The following MYBL2 variants were observed in gnomAD, a reference collection of about 807,000 sequenced individuals.
MYBL2 encodes the protein myb-related protein B.
Under a neutral mutation model 79.9 loss-of-function variants are expected in MYBL2, and 28 were observed. The observed-to-expected ratio is 0.35, with a 90% CI of 0.26 to 0.48. The LOEUF is 0.48. Among genes scored for constraint, MYBL2 ranks in the 20% least tolerant of loss-of-function variants. The pLI, the probability that MYBL2 is intolerant of heterozygous loss-of-function variation, is 0.99. For missense variants in MYBL2, 735 were observed against 893.9 expected (o/e 0.82, Z 2.27); for synonymous variants, 378 against 361.2 (o/e 1.05, Z -0.53).
rs778922160 is a variant in MYBL2, at chr20:43,711,582, A to C, written c.1700A>C (p.Lys567Thr). 7 of 1,613,042 alleles carry C rather than the reference A, an allele frequency of 4.3e-6. No individual in the cohort carries two copies. Among genetic ancestry groups the C allele is most frequent in the Non-Finnish European group, 5.9e-6 (7 of 1,179,558 alleles). ...ATCGAGGACGACATCAGGCCCGAGA[A>C]GCAGAAGAGGAAGCCTGGGGTGAGT... is the stretch of plus-strand genomic sequence containing the variant. Reference protein sequence around the residue: ...LIIEDDIRPEKQKRKPGLRRS... With the variant: ...LIIEDDIRPETQKRKPGLRRS... Residue 567 changes from lysine to threonine, a missense_variant, in exon 11 of 14, where the codon AAG becomes ACG. Lys to Thr is a moderately conservative substitution (Grantham distance 78). This residue lies in a region of MYBL2 where 204 missense variants were observed against 202.9 expected (regional missense o/e 1.01). Coordinates refer to ENST00000217026, the MANE Select transcript of MYBL2 (RefSeq NM_002466.4).
At chr20:43,687,157 T>C in intron 5 of MYBL2, 85 bp downstream of exon 5, 1 of 1,373,836 alleles carries the variant, frequency 7.3e-7, no homozygotes, top group Non-Finnish European at 1.0e-6. Flanking sequence ...GGGTGGGTAT[T>C]GTGGTCCTGT....
At chr20:43,686,773 G>T in intron 4 of MYBL2, 79 bp from the exon 5 acceptor site, 8 of 1,418,576 alleles carry the variant, frequency 5.6e-6, no homozygotes, top group Non-Finnish European at 7.8e-6. Context: ...CCATGGCAAG[G>T]CTCAGGTGGA....
chr20:43,705,553 T>G (rs1173392047), intron 9 of MYBL2, among the ~76,000 whole-genome samples, 195 bp downstream of exon 9: 1 of 152,206 alleles, frequency 6.6e-6, no homozygotes, highest in Non-Finnish European at 1.5e-5. Context: ...GCTCCACCTT[T>G]GCTTTTCCTC....
At chr20:43,705,474 A>T (rs1320449344) in intron 9 of MYBL2, 116 bp downstream of exon 9, 1 of 1,228,540 alleles carries the variant, frequency 8.1e-7, no homozygotes, top group Non-Finnish European at 1.1e-6. Flanking sequence ...ATAACACTGA[A>T]GACTGTTTTA....
chr20:43,698,347 G>A lies in MYBL2; in HGVS notation c.664-1410G>A, dbSNP rs541756982. 4.2e-3 allele frequency among the ~76,000 whole-genome samples: 570 copies of A among 134,882 alleles called. 2 individuals carry two copies. Among genetic ancestry groups the A allele is most frequent in the Middle Eastern group, 9.4e-3 (2 of 212 alleles). The allele number at this position is 134,882 out of a possible 152,430, so 88.5% of individuals were successfully genotyped here. A position where few individuals can be genotyped will look rare whatever the true frequency, so the allele number is the denominator to read the frequency against. ...TTACAGGTGTGAGCCACCACGCCCC[G>A]CATATTTTTTTTTTTTTTTTTTTTT... On this transcript the variant is annotated intron_variant, in intron 6 of 13. Transcript: ENST00000217026.
At position 43,715,157 on chromosome 20, in the gene MYBL2, T is replaced by A. The variant is rs1988000375; in HGVS notation, c.1848T>A (p.Ser616=). The stretch of plus-strand genomic sequence containing the variant: ...AGCCGACAACTGCCCCTTCAAACTC[T>A]TCCAGCCTCACCCTGTCAGGTATCA... ...LSLPTTAPSN[S]SSLTLSGIKE... is the part of the protein sequence containing the mutation. Residue 616 remains serine, a synonymous_variant, in exon 13 of 14, where the codon TCT becomes TCA. Coordinates refer to ENST00000217026, the MANE Select transcript of MYBL2 (RefSeq NM_002466.4). 6.2e-7 allele frequency: 1 copy of A among 1,614,226 alleles called. No individual in the cohort carries two copies. The highest frequency in any genetic ancestry group is 2.2e-5 in the East Asian group (1 of 44,882).
intron 1 of MYBL2, 52 bp from the exon 2 acceptor site, chr20:43,673,754 T>C (rs373909923): frequency 1.9e-6 from 3 of 1,546,292 alleles, no homozygotes; most frequent in African/African-American, 1.4e-5. Context: ...TTCTCCATTA[T>C]GTAAAACATA....
chr20:43,709,362 G>GC (rs1185123923), intron 9 of MYBL2, among the ~76,000 whole-genome samples: 1 of 152,182 alleles, frequency 6.6e-6, no homozygotes, highest in African/African-American at 2.4e-5. Context: ...TGCCTTTTCT[G>GC]CCCCCCTGCT....
intron 6 of MYBL2, among the ~76,000 whole-genome samples, chr20:43,695,330 C>T (rs935920355): frequency 2.0e-5 from 3 of 152,238 alleles, no homozygotes; most frequent in African/African-American, 7.2e-5. Flanking sequence ...CATGAGCCAC[C>T]ATGCCGGGCC....
rs118091077 is a variant in MYBL2 at position 43,668,736 on chromosome 20, G to A, written c.20+1433G>A. On this transcript the variant is annotated intron_variant, in intron 1 of 13. Transcript: ENST00000217026. ...AGGGTCTCCGTCTGCAGTCCAGGCC[G>A]GAGTGCTGTGGTGCTGTCATAGCTC... 2.8e-3 allele frequency among the ~76,000 whole-genome samples: 420 copies of A among 149,528 alleles called. 1 individual carries two copies. Among genetic ancestry groups the A allele is most frequent in the Non-Finnish European group, 4.9e-3 (334 of 67,668 alleles).
At chr20:43,698,351 A>ATTTTT (rs71193701) in intron 6 of MYBL2, among the ~76,000 whole-genome samples, 3 of 49,074 alleles carry the variant, frequency 6.1e-5, no homozygotes, top group Admixed American at 3.1e-4. Flanking sequence ...CGCCCCGCAT[A>ATTTTT]TTTTTTTTTT....
chr20:43,711,984 G>A (rs146289908), intron 11 of MYBL2, among the ~76,000 whole-genome samples: 2 of 152,234 alleles, frequency 1.3e-5, no homozygotes, highest in African/African-American at 2.4e-5. Flanking sequence ...ACCAAGGGCC[G>A]CAGAAAGGGA....
chr20:43,701,869 T>A (rs897294247), intron 7 of MYBL2, among the ~76,000 whole-genome samples: 22 of 152,080 alleles, frequency 1.4e-4, no homozygotes, highest in African/African-American at 4.3e-4. Flanking sequence ...AAAAATATTT[T>A]AAAAAATTAG....
intron 9 of MYBL2, among the ~76,000 whole-genome samples, chr20:43,709,685 ACTGCCTTGTTTT>A (rs2145734011): frequency 6.6e-6 from 1 of 152,202 alleles, no homozygotes; most frequent in East Asian, 1.9e-4. Flanking sequence ...GTGGCCACGG[ACTGCCTTGTTTT>A]CTGGAAAGTC....
chr20:43,678,872 AAAG>A lies in MYBL2; in HGVS notation c.115-2909_115-2907del, dbSNP rs1293033405. 2.8e-3 allele frequency among the ~76,000 whole-genome samples: 349 copies of A among 122,572 alleles called. 15 individuals carry two copies. Among genetic ancestry groups the A allele is most frequent in the African/African-American group, 0.015 (313 of 21,156 alleles). 80.4% of individuals were successfully genotyped at this position (122,572 alleles called of 152,430 possible). Reference sequence around the variant, plus strand: ...AACTCCGTCTCAAAAAAAAAAAAAAAAAGAAAAAAACATATAGAGCACAGGCTG... The same window carrying A: ...AACTCCGTCTCAAAAAAAAAAAAAAAAAAAAAACATATAGAGCACAGGCTG... On this transcript the variant is annotated intron_variant, in intron 2 of 13. Transcript: ENST00000217026.
intron 12 of MYBL2, among the ~76,000 whole-genome samples, chr20:43,714,601 A>G (rs1035891981): frequency 6.6e-6 from 1 of 152,120 alleles, no homozygotes; most frequent in Non-Finnish European, 1.5e-5. Flanking sequence ...TTTAAGTAAG[A>G]AAGTTCTTTA....
intron 12 of MYBL2, among the ~76,000 whole-genome samples, chr20:43,714,332 G>A (rs1466419671): frequency 6.6e-6 from 1 of 152,198 alleles, no homozygotes; most frequent in Non-Finnish European, 1.5e-5. Context: ...GATGTTTCTG[G>A]TCCCAGGAAA....
chr20:43,670,960 C>CTTTTTTTT (rs766959084), intron 1 of MYBL2, among the ~76,000 whole-genome samples: 4 of 144,656 alleles, frequency 2.8e-5, no homozygotes, highest in African/African-American at 5.3e-5. Context: ...CCTATGATTT[C>CTTTTTTTT]TTTTTTTTCT....
intron 13 of MYBL2, 42 bp from the exon 14 acceptor site, chr20:43,715,917 C>A: frequency 6.3e-7 from 1 of 1,582,824 alleles, no homozygotes; most frequent in Non-Finnish European, 8.6e-7. Flanking sequence ...GTTGGGAACA[C>A]ATAGTCCCTG....
Sources: allele counts gnomAD v4.1 joint callset (sites outside exome capture counted in the v4.1 genomes callset), GRCh38; gene constraint gnomAD v4.1.1; regional missense constraint gnomAD v4.1.1; transcripts MANE v1.5; gene names NCBI Gene and HGNC (gene_info 2026-07-23, HGNC 2026-07-21).